Variants in FOXN3 observed in about 807,000 individuals in gnomAD.
The protein encoded by FOXN3 is forkhead box N3, also known as forkhead box protein N3.
A neutral mutation model predicts 38.4 loss-of-function variants in FOXN3; 7 were observed. That is an observed-to-expected ratio of 0.18 (90% CI 0.10 to 0.34). The LOEUF is 0.34. FOXN3 is among the 10% of genes least tolerant of loss of function. FOXN3 has a pLI of 1.00. For missense variants in FOXN3, 456 were observed against 613.4 expected (o/e 0.74, Z 2.71); for synonymous variants, 230 against 242.2 (o/e 0.95, Z 0.47).
At chr14:89,311,471 C>CAAA (rs34367113) in intron 3 of FOXN3, among the ~76,000 whole-genome samples, 8 of 66,028 alleles carry the variant, frequency 1.2e-4, no homozygotes, top group South Asian at 6.7e-4. Flanking sequence ...GACTCGGCCT[C>CAAA]AAAAAAAAAA....
intron 2 of FOXN3, among the ~76,000 whole-genome samples, chr14:89,366,446 C>T (rs553799540): frequency 1.3e-5 from 2 of 151,914 alleles, no homozygotes; most frequent in East Asian, 3.9e-4. Flanking sequence ...AAGCAAATTA[C>T]AAAGAGGATA....
intron 1 of FOXN3, among the ~76,000 whole-genome samples, chr14:89,439,809 C>T (rs1892341681): frequency 6.9e-6 from 1 of 144,458 alleles, no homozygotes; most frequent in Admixed American, 6.7e-5. Flanking sequence ...GCGCCCGCCA[C>T]CACGCCCGGC....
chr14:89,421,843 A>G (rs1362736562), upstream of FOXN3, among the ~76,000 whole-genome samples: 1 of 150,086 alleles, frequency 6.7e-6, no homozygotes, highest in Non-Finnish European at 1.5e-5. Context: ...TATTTTTCAA[A>G]TGGTCTACAA....
At chr14:89,364,498 G>A (rs1325800372) in intron 2 of FOXN3, 1 of 152,428 alleles carries the variant, frequency 6.6e-6, no homozygotes, top group African/African-American at 2.4e-5. Context: ...AGGCAGGGAG[G>A]AGAGGCTCTG....
chr14:89,188,542 G>T (rs1444579281), intron 4 of FOXN3, among the ~76,000 whole-genome samples: 1 of 152,150 alleles, frequency 6.6e-6, no homozygotes, highest in Non-Finnish European at 1.5e-5. Flanking sequence ...CTAAAAATGG[G>T]TACTGCTCCG....
chr14:89,574,399 C>G (rs920218590), intron 1 of FOXN3, among the ~76,000 whole-genome samples: 1 of 152,156 alleles, frequency 6.6e-6, no homozygotes, highest in Non-Finnish European at 1.5e-5. Context: ...TCTTCTCTGG[C>G]GAGGTGGTGA....
chr14:89,276,693 C>T (rs1029707193), intron 4 of FOXN3, among the ~76,000 whole-genome samples: 1 of 152,176 alleles, frequency 6.6e-6, no homozygotes, highest in African/African-American at 2.4e-5. Context: ...CAGAGATGTA[C>T]CATCAAGAAA....
At chr14:89,568,716 C>G (rs1309360293) in intron 1 of FOXN3, among the ~76,000 whole-genome samples, 1 of 152,186 alleles carries the variant, frequency 6.6e-6, no homozygotes, top group Admixed American at 6.5e-5. Context: ...TTCCATAACC[C>G]AACAACTAGC....
At chr14:89,571,009 AG>A (rs1895477794) in intron 1 of FOXN3, among the ~76,000 whole-genome samples, 2 of 152,232 alleles carry the variant, frequency 1.3e-5, no homozygotes, top group African/African-American at 4.8e-5. Flanking sequence ...TAAATAAGAA[AG>A]GAGCACTAAG....
Position 89,552,352 on chromosome 14 carries a change from G to A in FOXN3, c.-15+66676C>T, listed in dbSNP as rs146563908. ...CAGTTCACATATGTGTCACCGTCAC[G>A]TGTATTATCTCTGACTTATACATAA... is the stretch of plus-strand genomic sequence containing the variant. On this transcript the variant is annotated intron_variant, in intron 1 of 6. Transcript: ENST00000345097. 3.2e-3 allele frequency among the ~76,000 whole-genome samples: 485 copies of A among 152,306 alleles called. 3 individuals are homozygous for A. Among genetic ancestry groups the A allele is most frequent in the African/African-American group, 0.011 (476 of 41,566 alleles).
At chr14:89,602,881 A>C (rs1896181925) in intron 1 of FOXN3, among the ~76,000 whole-genome samples, 1 of 152,210 alleles carries the variant, frequency 6.6e-6, no homozygotes, top group African/African-American at 2.4e-5. Flanking sequence ...CAAACATAAA[A>C]TGATTTGGGG....
In FOXN3 at chr14:89,536,555, G is replaced by A. The variant is rs923351408; in HGVS notation, c.-15+82473C>T. ...CCAGCACTTTGGGAGGCCGAGGCGG[G>A]CGGATCACGAGGTCAGGAGTTCAAG... On this transcript the variant is annotated intron_variant, in intron 1 of 6. Coordinates refer to the FOXN3 transcript ENST00000345097. Among the ~76,000 whole-genome samples, 3 of 152,284 alleles carry A rather than the reference G, an allele frequency of 2.0e-5. No individual in the cohort carries two copies. The East Asian group carries it at 5.8e-4, about 29-fold the overall frequency.
intron 1 of FOXN3, among the ~76,000 whole-genome samples, chr14:89,430,396 A>C (rs1257688410): frequency 6.6e-6 from 1 of 152,216 alleles, no homozygotes. Context: ...GAAATGTTTC[A>C]TTTAGGCTTT....
At chr14:89,227,954 G>C (rs1042871041) in intron 4 of FOXN3, among the ~76,000 whole-genome samples, 4 of 152,142 alleles carry the variant, frequency 2.6e-5, no homozygotes, top group Non-Finnish European at 5.9e-5. Flanking sequence ...TCCCCAGGCT[G>C]GTCTTGAACT....
chr14:89,437,453 T>A (rs1464484356), intron 1 of FOXN3, among the ~76,000 whole-genome samples: 1 of 152,148 alleles, frequency 6.6e-6, no homozygotes, highest in African/African-American at 2.4e-5. Context: ...CAGGTGCTGA[T>A]GGACAGATGA....
intron 3 of FOXN3, among the ~76,000 whole-genome samples, chr14:89,333,990 A>ATATATC (rs1888352624): frequency 4.4e-5 from 4 of 90,774 alleles, no homozygotes; most frequent in African/African-American, 1.6e-4. Flanking sequence ...ATATATATAT[A>ATATATC]TATATATATA....
intron 1 of FOXN3, among the ~76,000 whole-genome samples, chr14:89,559,410 G>T (rs1378512574): frequency 6.6e-6 from 1 of 152,130 alleles, no homozygotes; most frequent in Admixed American, 6.6e-5. Context: ...GGGCGTGGTG[G>T]CTCACGCCTG....
intron 1 of FOXN3, among the ~76,000 whole-genome samples, chr14:89,480,586 G>GAA (rs935764391): frequency 6.9e-6 from 1 of 145,206 alleles, no homozygotes; most frequent in Non-Finnish European, 1.5e-5. Context: ...CATTCAGAGG[G>GAA]AAAAAAAAAA....
intron 4 of FOXN3, among the ~76,000 whole-genome samples, chr14:89,221,087 C>A (rs916532526): frequency 6.6e-6 from 1 of 152,004 alleles, no homozygotes; most frequent in Non-Finnish European, 1.5e-5. Flanking sequence ...AACTCTCAAA[C>A]GAAGGCAGAA....
Sources: allele counts gnomAD v4.1 joint callset (sites outside exome capture counted in the v4.1 genomes callset), GRCh38; gene constraint gnomAD v4.1.1; transcripts MANE v1.5; gene names NCBI Gene and HGNC (gene_info 2026-07-23, HGNC 2026-07-21).